The following INKA2 variants were observed in gnomAD, a reference collection of about 807,000 sequenced individuals.
INKA2 encodes the protein inka box actin regulator 2.
Under a neutral mutation model 9.8 loss-of-function variants are expected in INKA2, and 3 were observed. The observed-to-expected ratio is 0.31, with a 90% CI of 0.14 to 0.79. INKA2 has a LOEUF of 0.79. INKA2 is among the 30% of genes least tolerant of loss of function. INKA2 has a pLI of 0.62. For synonymous variants in INKA2, 147 were observed against 143.3 expected (o/e 1.03, Z -0.18); for missense variants, 392 against 384.4 (o/e 1.02, Z -0.17).
At chr1:111,755,473 G>C (rs1040326870) in intron 1 of INKA2, 2 of 570,144 alleles carry the variant, frequency 3.5e-6, no homozygotes, top group Admixed American at 3.4e-5. Context: ...GGTACGGAGC[G>C]GGTAGCGTTG....
At chr1:111,728,991 G>T (rs576573792) in intron 1 of INKA2, among the ~76,000 whole-genome samples, 7 of 147,666 alleles carry the variant, frequency 4.7e-5, no homozygotes, top group African/African-American at 1.8e-4. Flanking sequence ...ATAGTGGACG[G>T]CAGCCTCTAA....
rs1662811808 is a variant in INKA2 at position 111,727,511 on chromosome 1, G to A, written c.351C>T (p.Ala117=). The A allele has an allele frequency of 6.2e-7, 1 of 1,614,090 alleles. No homozygotes were observed. The highest frequency in any genetic ancestry group is 8.5e-7 in the Non-Finnish European group (1 of 1,180,044). ...SHRSVCGRDL[A]PLPRTQPHQS... is the part of the protein sequence containing the mutation. ...GATGTGGCTGTGTCCTGGGCAAGGG[G>A]GCTAAATCCCTTCCACAGACACTCC... The change falls in exon 2 of 2, where the codon GCC becomes GCT. Residue 117 remains alanine, a synonymous_variant. Coordinates refer to ENST00000357260, the MANE Select transcript of INKA2 (RefSeq NM_019099.5).
At chr1:111,752,387 T>C (rs649144) in intron 1 of INKA2, among the ~76,000 whole-genome samples, 22,624 of 152,152 alleles carry the variant, frequency 0.15, 2,056 homozygotes, top group African/African-American at 0.26. Flanking sequence ...GAAATGAGGA[T>C]ACCTGTTTGT....
rs149500924 is a variant in INKA2, at chr1:111,723,331, G to C, written c.*3637C>G. On this transcript the variant is annotated 3_prime_UTR_variant, in exon 2 of 2. Coordinates refer to ENST00000357260, the MANE Select transcript of INKA2 (RefSeq NM_019099.5). Reference sequence around the variant, plus strand: ...TTGGGTTCAGAGATCACCCTGAGGGGCGGGGCACAAGGGAAGTGTCTGAGG... The same window carrying C: ...TTGGGTTCAGAGATCACCCTGAGGGCCGGGGCACAAGGGAAGTGTCTGAGG... 865 of 502,698 alleles carry C rather than the reference G, an allele frequency of 1.7e-3. 6 individuals carry two copies. The highest frequency in any genetic ancestry group is 0.015 in the African/African-American group (749 of 49,868). The allele number at this position is 502,698 out of a possible 1,614,324, so 31.1% of individuals were successfully genotyped here. A position where few individuals can be genotyped will look rare whatever the true frequency, so the allele number is the denominator to read the frequency against.
At chr1:111,743,909 CTAGAGA>C (rs923689669), upstream of INKA2, among the ~76,000 whole-genome samples, 1 of 152,246 alleles carries the variant, frequency 6.6e-6, no homozygotes, top group Non-Finnish European at 1.5e-5. Context: ...AAGGCTGACC[CTAGAGA>C]TAAACACATG....
chr1:111,739,381 C>T lies in INKA2; in HGVS notation c.-139G>A. 6.6e-7 allele frequency: 1 copy of T among 1,505,904 alleles called. No homozygotes were observed. The highest frequency in any genetic ancestry group is 8.9e-7 in the Non-Finnish European group (1 of 1,127,204). The allele number at this position is 1,505,904 out of a possible 1,614,324, so 93.3% of individuals were successfully genotyped here. ...GCGGAGCTGAGCCTGCGCTCCGAGC[C>T]CGGGACTCAGAGTCGCTTCCCCAGC... On this transcript the variant is annotated 5_prime_UTR_variant, in exon 1 of 2. Transcript: ENST00000357260.
chr1:111,743,047 A>G (rs1188995635), upstream of INKA2, among the ~76,000 whole-genome samples: 1 of 152,242 alleles, frequency 6.6e-6, no homozygotes, highest in East Asian at 1.9e-4. Flanking sequence ...TTTTTAAAAA[A>G]GGATTTAAGT....
chr1:111,752,584 T>C (rs1273178289), intron 1 of INKA2, among the ~76,000 whole-genome samples: 3 of 152,218 alleles, frequency 2.0e-5, no homozygotes, highest in Admixed American at 6.5e-5. Flanking sequence ...TGAGAAAAAG[T>C]GGCTTTAAAA....
In INKA2 at chr1:111,723,191, A is replaced by C. The variant is rs1458300709; in HGVS notation, c.*3777T>G. The C allele has an allele frequency of 6.3e-6, 4 of 630,484 alleles. No homozygotes were observed. Among genetic ancestry groups the C allele is most frequent in the Non-Finnish European group, 1.1e-5 (4 of 351,062 alleles). 39.1% of individuals were successfully genotyped at this position (630,484 alleles called of 1,614,324 possible). On this transcript the variant is annotated 3_prime_UTR_variant, in exon 2 of 2. Transcript: ENST00000357260. Reference sequence around the variant, plus strand: ...AAGGTGTGCTCTTGCTCTTGTCCAGACCACGTAGGAAACGATGGTGTGACT... The same window carrying C: ...AAGGTGTGCTCTTGCTCTTGTCCAGCCCACGTAGGAAACGATGGTGTGACT...
rs1662815817 is a variant in INKA2 at position 111,727,630 on chromosome 1, A to G, written c.232T>C (p.Cys78Arg). 1 of 1,608,672 alleles carries G rather than the reference A, an allele frequency of 6.2e-7. No homozygotes were observed. The highest frequency in any genetic ancestry group is 8.5e-7 in the Non-Finnish European group (1 of 1,177,020). Reference protein sequence around the residue: ...EGPRTQCEHPCWEGGRGPARP... With the variant: ...EGPRTQCEHPRWEGGRGPARP... ...GCAGGACCTCTGCCACCCTCCCAAC[A>G]AGGGTGCTCGCACTGGGTCCTGGGA... Residue 78 changes from cysteine to arginine, a missense_variant, in exon 2 of 2, where the codon TGT becomes CGT. Transcript: ENST00000357260.
chr1:111,746,731 C>T (rs1290947822), intron 1 of INKA2: 1 of 152,178 alleles, frequency 6.6e-6, no homozygotes. Flanking sequence ...CTCATTTATT[C>T]TTCCAAAACC....
intron 1 of INKA2, among the ~76,000 whole-genome samples, chr1:111,728,014 T>C (rs1662825553): frequency 8.3e-6 from 1 of 119,816 alleles, no homozygotes; most frequent in Admixed American, 8.3e-5. Context: ...GCAGGCACTG[T>C]CCTGAGAAGG....
rs1445627379 is a variant in INKA2, at chr1:111,726,876, C to T, written c.*92G>A. The T allele has an allele frequency of 1.5e-5, 19 of 1,297,652 alleles. 1 individual carries two copies. In the Admixed American group the frequency reaches 1.5e-4, roughly 10 times the overall value. The allele number at this position is 1,297,652 out of a possible 1,614,324, so 80.4% of individuals were successfully genotyped here. A position where few individuals can be genotyped will look rare whatever the true frequency, so the allele number is the denominator to read the frequency against. ...GGAAAGGAACTTGGAGTTGGGCTTTCGAGAGCCATACCGCCCACCCTCCCT... is the reference window on the plus strand; with the variant it reads ...GGAAAGGAACTTGGAGTTGGGCTTTTGAGAGCCATACCGCCCACCCTCCCT... On this transcript the variant is annotated 3_prime_UTR_variant, in exon 2 of 2. Coordinates refer to ENST00000357260, the MANE Select transcript of INKA2 (RefSeq NM_019099.5).
chr1:111,752,805 T>C (rs1280524511), intron 1 of INKA2, among the ~76,000 whole-genome samples: 1 of 152,088 alleles, frequency 6.6e-6, no homozygotes, highest in African/African-American at 2.4e-5. Context: ...GCCATTCTCC[T>C]ACCTCAGCCT....
rs197427 is a variant in INKA2 at position 111,723,744 on chromosome 1, T to C, written c.*3224A>G. 64,132 of 152,256 alleles carry C rather than the reference T, an allele frequency of 0.42. 13,806 individuals are homozygous for C. The highest frequency in any genetic ancestry group is 0.54 in the East Asian group (2,783 of 5,178). The allele number at this position is 152,256 out of a possible 1,614,324, so 9.4% of individuals were successfully genotyped here. ...CCTGTATACTTAGGCCCTAGGCATT[T>C]GCATTCACCTCTTCCCTCCACTTCA... On this transcript the variant is annotated 3_prime_UTR_variant, in exon 2 of 2. Coordinates refer to ENST00000357260, the MANE Select transcript of INKA2 (RefSeq NM_019099.5).
intron 1 of INKA2, among the ~76,000 whole-genome samples, chr1:111,728,062 C>CAT (rs1662831508): frequency 6.6e-6 from 1 of 151,134 alleles, no homozygotes; most frequent in Non-Finnish European, 1.5e-5. Context: ...CACACACACA[C>CAT]ACACACACAC....
chr1:111,723,264 T>C lies in INKA2; in HGVS notation c.*3704A>G, dbSNP rs1477131329. The C allele has an allele frequency of 1.7e-6, 1 of 578,948 alleles. No individual in the cohort carries two copies. The highest frequency in any genetic ancestry group is 3.1e-6 in the Non-Finnish European group (1 of 326,700). 35.9% of individuals were successfully genotyped at this position (578,948 alleles called of 1,614,324 possible). On this transcript the variant is annotated 3_prime_UTR_variant, in exon 2 of 2. Transcript: ENST00000357260. ...CCCCAACAAGGCCCTAGGGAGGAGA[T>C]GGGGATGTGGAGAGGACAGAGCAAC...
At chr1:111,745,394 T>C (rs1297168263) in intron 1 of INKA2, 1 of 146,540 alleles carries the variant, frequency 6.8e-6, no homozygotes, top group Non-Finnish European at 1.5e-5. Context: ...CTCCCTTGGC[T>C]CAGGTGATCC....
At chr1:111,754,449 A>G (rs907816628) in intron 1 of INKA2, 3 of 152,228 alleles carry the variant, frequency 2.0e-5, no homozygotes, top group African/African-American at 7.2e-5. Flanking sequence ...AGGGACAATG[A>G]CCAGCATTAT....
Sources: gnomAD v4.1 joint callset for allele counts (sites outside exome capture counted in the v4.1 genomes callset) on GRCh38, gnomAD v4.1.1 for gene constraint, MANE v1.5 for transcripts, NCBI Gene and HGNC (gene_info 2026-07-23, HGNC 2026-07-21) for gene names.